Variants in GPR137C observed in about 807,000 individuals in gnomAD.
GPR137C encodes the protein G protein-coupled receptor 137C, also known as integral membrane protein GPR137C.
In GPR137C, 27 loss-of-function variants were observed where a neutral mutation model predicts 43.4. The observed-to-expected ratio is 0.62, with a 90% CI of 0.46 to 0.86. The LOEUF (loss-of-function observed/expected upper bound fraction) is 0.86, where lower values mean the gene tolerates loss of function less well. Among genes scored for constraint, GPR137C ranks in the 40% least tolerant of loss-of-function variants. The pLI, the probability that GPR137C is intolerant of heterozygous loss-of-function variation, is 0.00. For missense variants in GPR137C, 522 were observed against 534.6 expected (o/e 0.98, Z 0.23); for synonymous variants, 285 against 226.9 (o/e 1.26, Z -2.30).
chr14:52,624,889 G>A (rs992777925), intron 3 of GPR137C, among the ~76,000 whole-genome samples: 1 of 151,928 alleles, frequency 6.6e-6, no homozygotes, highest in African/African-American at 2.4e-5. Context: ...AATGAAAGAG[G>A]GACTATCACT....
Position 52,553,555 on chromosome 14 carries a change from C to A in GPR137C, c.408C>A (p.Phe136Leu), listed in dbSNP as rs1172180865. 1 of 1,606,572 alleles carries A rather than the reference C, an allele frequency of 6.2e-7. No individual in the cohort carries two copies. The highest frequency in any genetic ancestry group is 1.3e-5 in the African/African-American group (1 of 74,964). ...LLYCFPSCLQFSTLCLLNLYL... is the reference protein window; with the variant it reads ...LLYCFPSCLQLSTLCLLNLYL... ...ACTGCTTCCCCTCCTGTCTCCAGTTCTCCACGCTCTGTCTCCTCAACCTCT... is the reference window on the plus strand; with the variant it reads ...ACTGCTTCCCCTCCTGTCTCCAGTTATCCACGCTCTGTCTCCTCAACCTCT... The change falls in exon 1 of 7, where the codon TTC becomes TTA. Residue 136 changes from phenylalanine to leucine, a missense_variant. Transcript: ENST00000321662.
chr14:52,630,273 A>C (rs1479829762), intron 3 of GPR137C, among the ~76,000 whole-genome samples: 1 of 152,110 alleles, frequency 6.6e-6, no homozygotes, highest in African/African-American at 2.4e-5. Context: ...GTTTCTCTGT[A>C]TTATAGCATG....
intron 1 of GPR137C, among the ~76,000 whole-genome samples, chr14:52,595,779 G>A (rs766719413): frequency 9.9e-5 from 15 of 152,172 alleles, no homozygotes; most frequent in South Asian, 2.1e-4. Context: ...CCTTTAGCTC[G>A]GAGAAGTTTG....
rs1319101333 is a variant in GPR137C at position 52,556,516 on chromosome 14, GA to G, written c.444+2926del. ...CTCCTGGAAGCCTATAGTTGAGAGA[GA>G]GGGGGAAAAAAAAAAGAAAAGCCAC... is the stretch of plus-strand genomic sequence containing the variant. On this transcript the variant is annotated intron_variant, in intron 1 of 6. Coordinates refer to ENST00000321662, the MANE Select transcript of GPR137C (RefSeq NM_001099652.2). 1.0e-4 allele frequency among the ~76,000 whole-genome samples: 15 copies of G among 148,756 alleles called. No individual in the cohort carries two copies. In the South Asian group the frequency reaches 3.0e-3, roughly 30 times the overall value.
intron 1 of GPR137C, among the ~76,000 whole-genome samples, chr14:52,573,800 G>A (rs910938877): frequency 3.3e-5 from 5 of 151,584 alleles, no homozygotes; most frequent in Non-Finnish European, 5.9e-5. Flanking sequence ...TACAGAATCG[G>A]AGGAAATTGT....
At chr14:52,633,396 T>C in intron 4 of GPR137C, 134 bp from the exon 5 acceptor site, 6 of 646,082 alleles carry the variant, frequency 9.3e-6, no homozygotes, top group Non-Finnish European at 1.5e-5. Flanking sequence ...AACCACAAAA[T>C]ATAGAAAGTT....
chr14:52,625,511 A>AAAGAG (rs2039213555), intron 3 of GPR137C, among the ~76,000 whole-genome samples: 1 of 144,702 alleles, frequency 6.9e-6, no homozygotes, highest in South Asian at 2.2e-4. Flanking sequence ...AGAAAAGAAA[A>AAAGAG]TAGAGGAGGG....
intron 3 of GPR137C, among the ~76,000 whole-genome samples, chr14:52,627,104 G>A (rs1021760159): frequency 6.6e-6 from 1 of 152,034 alleles, no homozygotes; most frequent in Admixed American, 6.6e-5. Context: ...TTTAAAAAAG[G>A]AAATTGGGCT....
At chr14:52,617,634 G>A (rs1311159296) in intron 3 of GPR137C, among the ~76,000 whole-genome samples, 2 of 152,138 alleles carry the variant, frequency 1.3e-5, no homozygotes, top group African/African-American at 4.8e-5. Context: ...AGCCGAGATT[G>A]TACCACCGCA....
chr14:52,612,111 T>G (rs1323658337), intron 3 of GPR137C: 1 of 983,332 alleles, frequency 1.0e-6, no homozygotes, highest in Non-Finnish European at 1.2e-6. Context: ...TTATGGGCAG[T>G]TAGCCATATT....
intron 1 of GPR137C, among the ~76,000 whole-genome samples, chr14:52,576,784 C>G (rs2038559483): frequency 6.6e-6 from 1 of 152,178 alleles, no homozygotes; most frequent in African/African-American, 2.4e-5. Context: ...TGACCATATG[C>G]TGGGCCACAA....
At chr14:52,581,307 G>A (rs546931543) in intron 1 of GPR137C, among the ~76,000 whole-genome samples, 1 of 151,726 alleles carries the variant, frequency 6.6e-6, no homozygotes, top group South Asian at 2.1e-4. Context: ...GCCGAGGCAG[G>A]CAGATCACCT....
chr14:52,618,583 G>A (rs961422056), intron 3 of GPR137C, among the ~76,000 whole-genome samples: 1 of 151,162 alleles, frequency 6.6e-6, no homozygotes, highest in African/African-American at 2.4e-5. Context: ...GAATTTCTAG[G>A]GCACATTTAC....
intron 3 of GPR137C, chr14:52,612,255 A>C (rs1299899653): frequency 2.1e-6 from 2 of 970,608 alleles, no homozygotes; most frequent in Non-Finnish European, 2.4e-6. Flanking sequence ...TGTAAATGTA[A>C]ATATAATTTT....
intron 1 of GPR137C, among the ~76,000 whole-genome samples, chr14:52,589,564 A>T (rs185023346): frequency 6.6e-6 from 1 of 152,310 alleles, no homozygotes; most frequent in African/African-American, 2.4e-5. Flanking sequence ...AAGTGGATGC[A>T]TCTATGACTT....
chr14:52,572,196 G>A (rs2038481719), intron 1 of GPR137C, among the ~76,000 whole-genome samples: 1 of 152,166 alleles, frequency 6.6e-6, no homozygotes, highest in Non-Finnish European at 1.5e-5. Flanking sequence ...CATTCCTTCT[G>A]AAACTATTCC....
intron 1 of GPR137C, among the ~76,000 whole-genome samples, chr14:52,584,046 C>T (rs532798039): frequency 6.6e-6 from 1 of 152,260 alleles, no homozygotes; most frequent in African/African-American, 2.4e-5. Flanking sequence ...CTGTTCTCCC[C>T]ACTCCATTCT....
chr14:52,570,088 C>T (rs1266774942), intron 1 of GPR137C, among the ~76,000 whole-genome samples: 1 of 152,128 alleles, frequency 6.6e-6, no homozygotes, highest in African/African-American at 2.4e-5. Context: ...TTAAGGGCAG[C>T]TAGAGAGAAA....
intron 1 of GPR137C, among the ~76,000 whole-genome samples, chr14:52,577,722 G>A (rs1402261488): frequency 6.6e-6 from 1 of 151,444 alleles, no homozygotes; most frequent in African/African-American, 2.4e-5. Context: ...CAGCACTTTG[G>A]GAGGCTGAGG....
Sources: allele counts gnomAD v4.1 joint callset (sites outside exome capture counted in the v4.1 genomes callset), GRCh38; gene constraint gnomAD v4.1.1; transcripts MANE v1.5; gene names NCBI Gene and HGNC (gene_info 2026-07-23, HGNC 2026-07-21).